The following RBM26 variants were observed in gnomAD, a reference collection of about 807,000 sequenced individuals.
RBM26 encodes RNA-binding protein 26.
In RBM26, 30 loss-of-function variants were observed where a neutral mutation model predicts 123.6. The observed-to-expected ratio is 0.24, with a 90% CI of 0.18 to 0.33. The LOEUF is 0.33. RBM26 is among the 10% of genes least tolerant of loss of function. The pLI, the probability that RBM26 is intolerant of heterozygous loss-of-function variation, is 1.00. For synonymous variants in RBM26, 400 were observed against 404.4 expected (o/e 0.99, Z 0.13); for missense variants, 947 against 1,203.6 (o/e 0.79, Z 3.15).
intron 14 of RBM26, 72 bp from the exon 15 acceptor site, chr13:79,344,866 ACTTTAAAGCACTACTGTTAAACTT>A (rs1312227870): frequency 7.1e-7 from 1 of 1,404,870 alleles, no homozygotes; most frequent in Admixed American, 2.0e-5. Flanking sequence ...ATAAGACTCA[ACTTTAAAGCACTACTGTTAAACTT>A]CAGCTTCAAA....
intron 3 of RBM26, among the ~76,000 whole-genome samples, chr13:79,373,342 A>C (rs1437647008): frequency 1.6e-4 from 17 of 105,956 alleles, no homozygotes; most frequent in African/African-American, 6.5e-4. Flanking sequence ...AATATATATT[A>C]TATATAAATA....
intron 1 of RBM26, among the ~76,000 whole-genome samples, chr13:79,396,140 A>G (rs2078540167): frequency 6.6e-6 from 1 of 152,214 alleles, no homozygotes; most frequent in South Asian, 2.1e-4. Flanking sequence ...AAATGACAGC[A>G]GATTTCTCAC....
At chr13:79,377,132 GT>G in intron 3 of RBM26, 1 of 358,774 alleles carries the variant, frequency 2.8e-6, no homozygotes, top group Non-Finnish European at 5.1e-6. Context: ...GCTTGTGCTT[GT>G]TTTCCACTGG....
intron 9 of RBM26, 68 bp downstream of exon 9, chr13:79,365,510 T>C: frequency 1.6e-6 from 2 of 1,278,318 alleles, no homozygotes; most frequent in Non-Finnish European, 2.2e-6. Context: ...AGACCAACTG[T>C]TCTTTATAAA....
chr13:79,402,518 A>C (rs948242306), intron 1 of RBM26, among the ~76,000 whole-genome samples: 2 of 151,438 alleles, frequency 1.3e-5, no homozygotes, highest in African/African-American at 4.9e-5. Context: ...CTTCAATAAC[A>C]TCCAAAGTCT....
chr13:79,365,531 C>T (rs895357109), intron 9 of RBM26, 47 bp downstream of exon 9: 3 of 1,469,844 alleles, frequency 2.0e-6, no homozygotes, highest in Non-Finnish European at 2.8e-6. Context: ...TGTTTTCCCA[C>T]TGTTTATATT....
At chr13:79,347,197 G>A (rs1023127065) in intron 14 of RBM26, among the ~76,000 whole-genome samples, 3 of 151,464 alleles carry the variant, frequency 2.0e-5, no homozygotes, top group Non-Finnish European at 2.9e-5. Flanking sequence ...TTTTTATCCA[G>A]GAACATCCTT....
Position 79,344,806 on chromosome 13 carries a change from A to C in RBM26, c.2059-12T>G. ...GATGTAGACAACACCTACCAATACA[A>C]ATTCAACTTTTAAAAATATATATCA... On this transcript the variant is annotated splice_polypyrimidine_tract_variant and intron_variant, in intron 14 of 21. Transcript: ENST00000438737. The C allele has an allele frequency of 6.2e-7, 1 of 1,606,764 alleles. No individual in the cohort carries two copies. The highest frequency in any genetic ancestry group is 8.5e-7 in the Non-Finnish European group (1 of 1,177,620).
At chr13:79,391,568 C>T (rs561139055) in intron 1 of RBM26, among the ~76,000 whole-genome samples, 39 of 152,182 alleles carry the variant, frequency 2.6e-4, no homozygotes, top group African/African-American at 8.9e-4. Context: ...GGATTACAGG[C>T]GCCCACCACA....
chr13:79,377,984 G>C (rs763399917), intron 2 of RBM26, among the ~76,000 whole-genome samples: 93 of 152,182 alleles, frequency 6.1e-4, no homozygotes, highest in Non-Finnish European at 1.0e-3. Flanking sequence ...TTCCCAACCA[G>C]TGTGCCATGG....
intron 5 of RBM26, among the ~76,000 whole-genome samples, chr13:79,370,339 A>T (rs1478874461): frequency 2.0e-5 from 3 of 152,084 alleles, no homozygotes; most frequent in Non-Finnish European, 2.9e-5. Context: ...AAGAAAAAAA[A>T]TTTTTTAACA....
At chr13:79,350,062 C>G (rs1375165539) in intron 14 of RBM26, among the ~76,000 whole-genome samples, 4 of 151,790 alleles carry the variant, frequency 2.6e-5, no homozygotes, top group African/African-American at 7.3e-5. Flanking sequence ...TCCAAGGAAA[C>G]ATATTAAGAT....
intron 20 of RBM26, among the ~76,000 whole-genome samples, chr13:79,330,468 C>T (rs2069117164): frequency 6.6e-6 from 1 of 152,150 alleles, no homozygotes; most frequent in Non-Finnish European, 1.5e-5. Flanking sequence ...AAAATGCAGC[C>T]TTTCACAAAC....
chr13:79,328,210 T>A (rs1446399381), intron 20 of RBM26, among the ~76,000 whole-genome samples: 2 of 152,034 alleles, frequency 1.3e-5, no homozygotes, highest in African/African-American at 2.4e-5. Context: ...TAATTGGGTG[T>A]GAGAGGGAAT....
chr13:79,330,621 A>G (rs1479829665), intron 20 of RBM26, among the ~76,000 whole-genome samples: 1 of 152,172 alleles, frequency 6.6e-6, no homozygotes. Flanking sequence ...TTTAGTAACG[A>G]TAATATAACT....
At chr13:79,390,383 AACAGGTAAT>A (rs1466432854) in intron 1 of RBM26, among the ~76,000 whole-genome samples, 3 of 152,208 alleles carry the variant, frequency 2.0e-5, no homozygotes, top group African/African-American at 4.8e-5. Context: ...AAAGTTCTAC[AACAGGTAAT>A]ACTAATATAT....
intron 14 of RBM26, among the ~76,000 whole-genome samples, chr13:79,345,594 G>C (rs1041725022): frequency 6.6e-6 from 1 of 152,054 alleles, no homozygotes; most frequent in Admixed American, 6.6e-5. Flanking sequence ...GAGGCCACGG[G>C]TAAGATTAAG....
Position 79,377,420 on chromosome 13 carries a change from C to T in RBM26, c.286G>A (p.Glu96Lys). Residue 96 changes from glutamate to lysine, a missense_variant, in exon 3 of 22, where the codon GAA becomes AAA. By Grantham distance (56) the Glu-to-Lys change is moderately conservative. This residue lies in a region of RBM26 where 275 missense variants were observed against 361.0 expected (regional missense o/e 0.76). Transcript: ENST00000438737. ...EQPSSGSLKV[E>K]FFPHQEKDIK... ...TCTTTTTCTTGGTGTGGAAAAAATT[C>T]TACCTTCAGGCTTCCTGATGATGGC... The T allele has an allele frequency of 1.2e-6, 2 of 1,613,926 alleles. No homozygotes were observed. Among genetic ancestry groups the T allele is most frequent in the Non-Finnish European group, 1.7e-6 (2 of 1,179,842 alleles).
At chr13:79,338,890 T>A (rs559555045) in intron 18 of RBM26, among the ~76,000 whole-genome samples, 1 of 152,330 alleles carries the variant, frequency 6.6e-6, no homozygotes, top group African/African-American at 2.4e-5. Flanking sequence ...TAGATATAGA[T>A]GCTGAAGCAA....
Sources: allele counts gnomAD v4.1 joint callset (sites outside exome capture counted in the v4.1 genomes callset), GRCh38; gene constraint gnomAD v4.1.1; regional missense constraint gnomAD v4.1.1; transcripts MANE v1.5; gene names NCBI Gene and HGNC (gene_info 2026-07-23, HGNC 2026-07-21).